SBF2: variants seen among roughly 807,000 people sequenced by gnomAD.
The protein encoded by SBF2 is SET binding factor 2.
SBF2 carries 112 observed loss-of-function variants against 225.2 expected under a neutral mutation model. The ratio of observed to expected loss-of-function variants is 0.50; its 90% confidence interval spans 0.43 to 0.58. SBF2 has a LOEUF of 0.58. SBF2 is among the 20% of genes least tolerant of loss of function. The pLI, the probability that SBF2 is intolerant of heterozygous loss-of-function variation, is 0.00. For synonymous variants in SBF2, 763 were observed against 773.3 expected, an observed-to-expected ratio of 0.99 and a Z score of 0.22; for missense variants, 1,996 against 2,206.2, an observed-to-expected ratio of 0.90 and a Z score of 1.91.
At chr11:9,902,452 CA>C (rs1398755493) in intron 16 of SBF2, among the ~76,000 whole-genome samples, 26 of 152,310 alleles carry the variant, frequency 1.7e-4, no homozygotes, top group Admixed American at 1.6e-3. Context: ...GTACACCTTC[CA>C]TGTATTGATT....
At chr11:9,944,279 G>T (rs1413901760) in intron 16 of SBF2, among the ~76,000 whole-genome samples, 1 of 152,232 alleles carries the variant, frequency 6.6e-6, no homozygotes, top group Non-Finnish European at 1.5e-5. Flanking sequence ...AGCAGTTGCA[G>T]TATAGCTCTG....
intron 33 of SBF2, among the ~76,000 whole-genome samples, chr11:9,791,890 C>A (rs930986104): frequency 2.0e-5 from 3 of 152,192 alleles, no homozygotes; most frequent in African/African-American, 7.2e-5. Context: ...GCCCTCTGTT[C>A]CTTAGGGCTG....
chr11:10,229,771 G>GA (rs1958745954), intron 1 of SBF2, among the ~76,000 whole-genome samples: 1 of 152,118 alleles, frequency 6.6e-6, no homozygotes, highest in Admixed American at 6.5e-5. Context: ...GTGTGGTGCT[G>GA]AAAAAAATGT....
At chr11:10,193,855 A>C (rs368005628) in intron 2 of SBF2, 47 bp downstream of exon 2, 276 of 1,297,160 alleles carry the variant, frequency 2.1e-4, no homozygotes, top group Middle Eastern at 2.0e-3. Flanking sequence ...ATGTGACAAA[A>C]AAGAAAAGTA....
At chr11:10,082,987 C>G (rs1951427808) in intron 2 of SBF2, among the ~76,000 whole-genome samples, 1 of 152,142 alleles carries the variant, frequency 6.6e-6, no homozygotes, top group Non-Finnish European at 1.5e-5. Context: ...ACCCTAAAGA[C>G]TCCTCCAAAA....
chr11:9,800,143 C>T (rs1853399540), intron 32 of SBF2, among the ~76,000 whole-genome samples: 1 of 151,610 alleles, frequency 6.6e-6, no homozygotes, highest in South Asian at 2.1e-4. Context: ...GAGGCTGAGG[C>T]GAAAGGATTG....
chr11:10,185,117 G>T (rs554713570), intron 2 of SBF2, among the ~76,000 whole-genome samples: 26 of 151,390 alleles, frequency 1.7e-4, no homozygotes, highest in South Asian at 1.0e-3. Context: ...TCTGGGGGGG[G>T]GTGTGTGTGT....
chr11:9,979,888 C>T (rs1038624782), intron 13 of SBF2, among the ~76,000 whole-genome samples: 1 of 150,494 alleles, frequency 6.6e-6, no homozygotes, highest in African/African-American at 2.4e-5. Flanking sequence ...TAGCTTACTG[C>T]AGCCTCAAAC....
At chr11:9,990,946 C>A (rs1462109108) in intron 12 of SBF2, among the ~76,000 whole-genome samples, 1 of 152,122 alleles carries the variant, frequency 6.6e-6, no homozygotes, top group African/African-American at 2.4e-5. Context: ...AGCAAGTTTT[C>A]TGCAAGTAAC....
At chr11:10,258,544 A>G (rs1052683146) in intron 1 of SBF2, among the ~76,000 whole-genome samples, 5 of 152,358 alleles carry the variant, frequency 3.3e-5, no homozygotes, top group Admixed American at 3.3e-4. Context: ...AGTAAAAAAA[A>G]AATTTCACAT....
In SBF2 at chr11:10,095,268, T is replaced by C. The variant is rs1280237109; in HGVS notation, c.142-52287A>G. On this transcript the variant is annotated intron_variant, in intron 2 of 39. Coordinates refer to ENST00000256190, the MANE Select transcript of SBF2 (RefSeq NM_030962.4). Reference sequence around the variant, plus strand: ...TACAATAATATCACCTTCAAGTTATTGTAAACATTTAAATAGTAAGAAAAT... The same window carrying C: ...TACAATAATATCACCTTCAAGTTATCGTAAACATTTAAATAGTAAGAAAAT... 2.6e-5 allele frequency among the ~76,000 whole-genome samples: 4 copies of C among 152,144 alleles called. No homozygotes were observed. The South Asian group carries it at 6.2e-4, about 24-fold the overall frequency.
intron 16 of SBF2, 192 bp downstream of exon 16, chr11:9,961,761 CAAAG>C: frequency 3.9e-6 from 2 of 511,572 alleles, no homozygotes; most frequent in Non-Finnish European, 3.4e-6. Flanking sequence ...AAAGAGAAAA[CAAAG>C]AAAGAACAAA....
At chr11:10,217,406 CA>C (rs1317957183) in intron 1 of SBF2, among the ~76,000 whole-genome samples, 1 of 151,828 alleles carries the variant, frequency 6.6e-6, no homozygotes, top group East Asian at 1.9e-4. Flanking sequence ...ATTTTGTTTA[CA>C]AAAAACAAAA....
intron 16 of SBF2, among the ~76,000 whole-genome samples, chr11:9,924,557 G>A (rs1158404375): frequency 1.3e-5 from 2 of 151,650 alleles, no homozygotes; most frequent in Non-Finnish European, 2.9e-5. Flanking sequence ...TCAGCTTCCC[G>A]AGTAGCTGGG....
At chr11:10,120,807 ATGGGGTTTCACCATGTTGAT>A (rs1351207421) in intron 2 of SBF2, among the ~76,000 whole-genome samples, 1 of 152,062 alleles carries the variant, frequency 6.6e-6, no homozygotes. Context: ...TTTAGTAGAG[ATGGGGTTTCACCATGTTGAT>A]TAGGCTGGTC....
chr11:10,093,422 A>T (rs1251921471), intron 2 of SBF2, among the ~76,000 whole-genome samples: 1 of 151,754 alleles, frequency 6.6e-6, no homozygotes, highest in East Asian at 1.9e-4. Flanking sequence ...TCCAATCTTG[A>T]AAGAATAAGC....
intron 13 of SBF2, among the ~76,000 whole-genome samples, chr11:9,976,275 T>C (rs976210188): frequency 6.6e-6 from 1 of 152,068 alleles, no homozygotes; most frequent in Non-Finnish European, 1.5e-5. Flanking sequence ...TGTTTCACCA[T>C]GTTGGGCAGG....
chr11:10,149,589 A>T (rs1955071084), intron 2 of SBF2: 1 of 152,182 alleles, frequency 6.6e-6, no homozygotes, highest in Non-Finnish European at 1.5e-5. Flanking sequence ...CATTCATCAC[A>T]TGACATAGAT....
chr11:9,952,622 G>A (rs775743317), intron 16 of SBF2, among the ~76,000 whole-genome samples: 89 of 152,112 alleles, frequency 5.9e-4, no homozygotes, highest in Admixed American at 3.1e-3. Flanking sequence ...GTGGGTTTAT[G>A]TATTTTTTTA....
Sources: allele counts gnomAD v4.1 joint callset (sites outside exome capture counted in the v4.1 genomes callset), GRCh38; gene constraint gnomAD v4.1.1; transcripts MANE v1.5; gene names NCBI Gene and HGNC (gene_info 2026-07-23, HGNC 2026-07-21).